PREX2: variants seen among roughly 807,000 people sequenced by gnomAD.
PREX2 encodes the protein phosphatidylinositol 3,4,5-trisphosphate-dependent Rac exchanger 2 protein.
Under a neutral mutation model 203.2 loss-of-function variants are expected in PREX2, and 107 were observed. The observed-to-expected ratio is 0.53, with a 90% CI of 0.45 to 0.62. The LOEUF is 0.62. Ranked by LOEUF, PREX2 falls within the 20% of genes least tolerant of loss-of-function variation. PREX2 has a pLI of 0.00. For synonymous variants in PREX2, 672 were observed against 663.6 expected (o/e 1.01, Z -0.19); for missense variants, 1,777 against 1,955.9 (o/e 0.91, Z 1.72).
intron 1 of PREX2, among the ~76,000 whole-genome samples, chr8:67,989,248 G>T (rs1422811820): frequency 1.3e-5 from 2 of 152,130 alleles, no homozygotes; most frequent in Non-Finnish European, 2.9e-5. Context: ...TTATAATTTA[G>T]TGACTAGAAA....
intron 1 of PREX2, among the ~76,000 whole-genome samples, chr8:67,979,002 C>A (rs964890813): frequency 6.6e-6 from 1 of 152,154 alleles, no homozygotes; most frequent in Non-Finnish European, 1.5e-5. Flanking sequence ...AATGTCCTTT[C>A]AATTAGACAT....
rs1026481413 is a variant in PREX2 at position 67,952,352 on chromosome 8, C to T, written c.-43C>T. ...GCAGCAGCGGGCGCGCGGGTCAGCG[C>T]TCAGCACGGCGGGCAGCGCCGCGCT... is the stretch of plus-strand genomic sequence containing the variant. On this transcript the variant is annotated 5_prime_UTR_variant, in exon 1 of 40. Transcript: ENST00000288368. 3 of 1,464,324 alleles carry T rather than the reference C, an allele frequency of 2.0e-6. No individual in the cohort carries two copies. The highest frequency in any genetic ancestry group is 2.3e-4 in the Middle Eastern group (1 of 4,416). The allele number at this position is 1,464,324 out of a possible 1,614,324, so 90.7% of individuals were successfully genotyped here. A position where few individuals can be genotyped will look rare whatever the true frequency, so the allele number is the denominator to read the frequency against.
At chr8:68,021,197 A>G (rs1362619123) in intron 3 of PREX2, among the ~76,000 whole-genome samples, 1 of 152,196 alleles carries the variant, frequency 6.6e-6, no homozygotes, top group African/African-American at 2.4e-5. Context: ...CTTTAGTGAC[A>G]GCTCTAACTG....
intron 17 of PREX2, 59 bp downstream of exon 17, chr8:68,080,897 T>C: frequency 1.0e-6 from 1 of 969,212 alleles, no homozygotes; most frequent in Non-Finnish European, 1.6e-6. Flanking sequence ...ATAGAGAAAT[T>C]CTAAACAAAC....
intron 37 of PREX2, among the ~76,000 whole-genome samples, chr8:68,199,568 AG>A (rs1475423797): frequency 2.0e-5 from 3 of 152,250 alleles, no homozygotes; most frequent in African/African-American, 7.2e-5. Flanking sequence ...GAAATTTATA[AG>A]GGAAAATATA....
chr8:68,231,268 A>G (rs1030069353), intron 39 of PREX2, 65 bp from the exon 40 acceptor site: 1 of 1,189,288 alleles, frequency 8.4e-7, no homozygotes, highest in African/African-American at 1.6e-5. Context: ...TGTTCTACCA[A>G]TAAAGACACC....
At chr8:67,980,511 G>A (rs1272310143) in intron 1 of PREX2, among the ~76,000 whole-genome samples, 1 of 152,212 alleles carries the variant, frequency 6.6e-6, no homozygotes, top group Non-Finnish European at 1.5e-5. Flanking sequence ...CATTCCTAAA[G>A]GAGAGAAGCT....
At chr8:68,027,375 G>A (rs752573014) in intron 5 of PREX2, 52 bp downstream of exon 5, 1 of 1,120,254 alleles carries the variant, frequency 8.9e-7, no homozygotes, top group Non-Finnish European at 1.4e-6. Flanking sequence ...TACATATTTT[G>A]CTGATGATCT....
At chr8:68,109,140 C>G (rs1810480374) in intron 24 of PREX2, 1 of 456,854 alleles carries the variant, frequency 2.2e-6, no homozygotes, top group South Asian at 2.1e-5. Context: ...GTATAACATG[C>G]TGAGTATAGT....
In PREX2 at chr8:68,231,357, TC is replaced by T. The variant is rs758258961; in HGVS notation, c.4805del (p.Pro1602GlnfsTer34). On this transcript the variant is annotated frameshift_variant, in exon 40 of 40. Transcript: ENST00000288368. LOFTEE classifies it high-confidence loss of function. ...GGCTGTACAAGCTGTGCGAGCCACCTCCCCCAGCTGGAGAAGAATGAAAAGA... is the reference window on the plus strand; with the variant it reads ...GGCTGTACAAGCTGTGCGAGCCACCTCCCCAGCTGGAGAAGAATGAAAAGA... ...PRLYKLCEPP[P>X]PAGEE The T allele has an allele frequency of 1.3e-5, 20 of 1,599,066 alleles. No individual in the cohort carries two copies. Among genetic ancestry groups the T allele is most frequent in the Admixed American group, 1.7e-5 (1 of 57,470 alleles).
At chr8:68,180,642 A>G (rs1222637722) in intron 35 of PREX2, among the ~76,000 whole-genome samples, 1 of 152,128 alleles carries the variant, frequency 6.6e-6, no homozygotes, top group African/African-American at 2.4e-5. Context: ...GGTGAGCACC[A>G]ACAAGGTGCC....
intron 26 of PREX2, 89 bp from the exon 27 acceptor site, chr8:68,118,461 T>G (rs1331535005): frequency 1.3e-6 from 1 of 771,216 alleles, no homozygotes; most frequent in African/African-American, 1.7e-5. Flanking sequence ...TACTAATAAA[T>G]ATAACTGATA....
intron 37 of PREX2, among the ~76,000 whole-genome samples, chr8:68,208,857 G>A (rs1812693835): frequency 2.6e-5 from 4 of 151,948 alleles, no homozygotes; most frequent in Admixed American, 2.6e-4. Context: ...GCGAGGCTAA[G>A]GTAGGAGGAT....
intron 11 of PREX2, among the ~76,000 whole-genome samples, chr8:68,064,817 C>T (rs1808969450): frequency 6.6e-6 from 1 of 152,220 alleles, no homozygotes; most frequent in Middle Eastern, 3.4e-3. Flanking sequence ...CCTTTAACTC[C>T]GTGTTCAGTG....
chr8:68,235,874 T>C lies in PREX2; in HGVS notation c.*4496T>C, dbSNP rs753828628. ...CTGTTAAAGTGTGGTCTGTGCATCA[T>C]TGAGCAATTGTTATGTAGACACAAG... On this transcript the variant is annotated 3_prime_UTR_variant, in exon 40 of 40. Transcript: ENST00000288368. The C allele has an allele frequency of 6.6e-6, 1 of 152,098 alleles. No individual in the cohort carries two copies. Among genetic ancestry groups the C allele is most frequent in the Non-Finnish European group, 1.5e-5 (1 of 68,020 alleles). 9.4% of individuals were successfully genotyped at this position (152,098 alleles called of 1,614,324 possible). A position where few individuals can be genotyped will look rare whatever the true frequency, so the allele number is the denominator to read the frequency against.
At chr8:68,063,544 A>G (rs1808925736) in intron 11 of PREX2, among the ~76,000 whole-genome samples, 1 of 152,180 alleles carries the variant, frequency 6.6e-6, no homozygotes, top group African/African-American at 2.4e-5. Flanking sequence ...TACCTCAGTG[A>G]AAAATTAGCT....
chr8:68,016,990 G>A (rs1187154274), intron 1 of PREX2, among the ~76,000 whole-genome samples: 2 of 152,094 alleles, frequency 1.3e-5, no homozygotes, highest in African/African-American at 4.8e-5. Flanking sequence ...ACTCTTATTA[G>A]CCATGTCCTG....
At chr8:68,081,345 T>C (rs1809515845) in intron 17 of PREX2, among the ~76,000 whole-genome samples, 1 of 152,122 alleles carries the variant, frequency 6.6e-6, no homozygotes, top group Admixed American at 6.5e-5. Flanking sequence ...TCACCTCCTT[T>C]TGTGCGTCTG....
chr8:68,215,436 C>T (rs1812814434), intron 37 of PREX2, among the ~76,000 whole-genome samples: 1 of 151,850 alleles, frequency 6.6e-6, no homozygotes, highest in African/African-American at 2.4e-5. Context: ...ATGTTAGGAT[C>T]AATAAAGATT....
Sources: allele counts gnomAD v4.1 joint callset (sites outside exome capture counted in the v4.1 genomes callset), GRCh38; gene constraint gnomAD v4.1.1; transcripts MANE v1.5; gene names NCBI Gene and HGNC (gene_info 2026-07-23, HGNC 2026-07-21).